The following NPHP1 variants were observed in gnomAD, a reference collection of about 807,000 sequenced individuals.
NPHP1 encodes the protein nephrocystin 1.
NPHP1 carries 70 observed loss-of-function variants against 90.4 expected under a neutral mutation model. That is an observed-to-expected ratio of 0.77 (90% confidence interval 0.64 to 0.95). NPHP1 has a LOEUF of 0.95. NPHP1 is among the 40% of genes least tolerant of loss of function. The pLI, the probability that NPHP1 is intolerant of heterozygous loss-of-function variation, is 0.00. For missense variants in NPHP1, 764 were observed against 795.9 expected (o/e 0.96, Z 0.48); for synonymous variants, 256 against 271.7 (o/e 0.94, Z 0.57).
At chr2:110,124,168 A>G in intron 19 of NPHP1, 105 bp from the exon 20 acceptor site, 12 of 1,313,898 alleles carry the variant, frequency 9.1e-6, no homozygotes, top group Non-Finnish European at 1.3e-5. Flanking sequence ...GGAGGGTGCC[A>G]TTAGTGCCTG....
chr2:110,202,562 T>C, intron 1 of NPHP1: 2 of 352,426 alleles, frequency 5.7e-6, no homozygotes, highest in South Asian at 2.1e-5. Context: ...CCAGAGCCAA[T>C]ATTTCTCCAG....
At chr2:110,169,696 A>T in intron 5 of NPHP1, 110 bp downstream of exon 5, 1 of 760,600 alleles carries the variant, frequency 1.3e-6, no homozygotes, top group Non-Finnish European at 2.3e-6. Flanking sequence ...ATAGATTGTT[A>T]TAAAACTGCA....
chr2:110,142,304 G>A (rs1339624199), intron 16 of NPHP1, among the ~76,000 whole-genome samples: 1 of 151,416 alleles, frequency 6.6e-6, no homozygotes, highest in African/African-American at 2.4e-5. Context: ...ATCATAAGTT[G>A]AAGATAATAT....
intron 18 of NPHP1, chr2:110,126,819 T>C (rs981758870): frequency 6.6e-6 from 1 of 152,660 alleles, no homozygotes; most frequent in Non-Finnish European, 1.5e-5. Context: ...CCTAATAATA[T>C]GGTTTAACGT....
At chr2:110,178,333 C>T in intron 4 of NPHP1, 90 bp downstream of exon 4, 2 of 1,238,712 alleles carry the variant, frequency 1.6e-6, no homozygotes, top group Non-Finnish European at 2.4e-6. Context: ...TTGTTTATAT[C>T]TATACTGCTA....
At chr2:110,146,100 T>C (rs957415640) in intron 14 of NPHP1, among the ~76,000 whole-genome samples, 1 of 152,174 alleles carries the variant, frequency 6.6e-6, no homozygotes, top group Non-Finnish European at 1.5e-5. Context: ...AATTTTATAA[T>C]CCAAATTTGG....
In NPHP1 at chr2:110,181,289, C is replaced by T. The variant is rs563704416; in HGVS notation, c.144-1605G>A. ...CATATGTGCTCTACCAAAAAGCAGC[C>T]AGACTGCTTCTTTAAGTGGGTCTGT... is the stretch of plus-strand genomic sequence containing the variant. On this transcript the variant is annotated intron_variant, in intron 2 of 19. Coordinates refer to ENST00000445609, the MANE Select transcript of NPHP1 (RefSeq NM_001128178.3). Among the ~76,000 whole-genome samples the T allele has an allele frequency of 1.6e-3, 240 of 152,314 alleles. 3 individuals are homozygous for T. The highest frequency in any genetic ancestry group is 2.5e-3 in the Non-Finnish European group (168 of 68,022).
chr2:110,146,150 C>CT (rs1681031344), intron 14 of NPHP1, among the ~76,000 whole-genome samples: 1 of 152,100 alleles, frequency 6.6e-6, no homozygotes, highest in Non-Finnish European at 1.5e-5. Context: ...ATTTGTGTCC[C>CT]TTCTTGAATT....
intron 4 of NPHP1, among the ~76,000 whole-genome samples, chr2:110,176,091 A>G (rs1255915812): frequency 6.6e-6 from 1 of 151,930 alleles, no homozygotes; most frequent in Non-Finnish European, 1.5e-5. Flanking sequence ...CGCTCTATTC[A>G]TCTTATCAAT....
intron 12 of NPHP1, among the ~76,000 whole-genome samples, chr2:110,149,151 T>C (rs1350801854): frequency 6.6e-6 from 1 of 152,168 alleles, no homozygotes; most frequent in Non-Finnish European, 1.5e-5. Context: ...GATGATATTG[T>C]TATTCTTCAT....
At chr2:110,180,343 C>T (rs1683797441) in intron 2 of NPHP1, among the ~76,000 whole-genome samples, 1 of 148,200 alleles carries the variant, frequency 6.7e-6, no homozygotes, top group South Asian at 2.2e-4. Flanking sequence ...ATGAGAAGTA[C>T]AAAAAATGAC....
chr2:110,185,932 T>C (rs967957354), intron 2 of NPHP1, among the ~76,000 whole-genome samples: 7 of 152,186 alleles, frequency 4.6e-5, no homozygotes, highest in African/African-American at 1.7e-4. Flanking sequence ...TCCAGGTCCT[T>C]GCTTTCCATC....
intron 18 of NPHP1, chr2:110,125,982 C>A: frequency 2.4e-6 from 1 of 421,816 alleles, no homozygotes; most frequent in Non-Finnish European, 4.4e-6. Context: ...AACCACAGCA[C>A]CTGAATAATA....
At chr2:110,191,546 A>G (rs1684740801) in intron 2 of NPHP1, among the ~76,000 whole-genome samples, 1 of 152,216 alleles carries the variant, frequency 6.6e-6, no homozygotes, top group African/African-American at 2.4e-5. Context: ...CAGCTCAAGG[A>G]GGCCTGCCTG....
chr2:110,193,124 T>C (rs1453173191), intron 2 of NPHP1, among the ~76,000 whole-genome samples: 1 of 152,096 alleles, frequency 6.6e-6, no homozygotes, highest in South Asian at 2.1e-4. Flanking sequence ...CCAGCTAACA[T>C]CATAATGACA....
intron 16 of NPHP1, among the ~76,000 whole-genome samples, chr2:110,141,972 CAAA>C (rs397934223): frequency 3.2e-5 from 3 of 94,258 alleles, no homozygotes; most frequent in African/African-American, 4.0e-5. Context: ...GACTCTGTCT[CAAA>C]AAAAAAAAAA....
chr2:110,156,967 C>T (rs192004582), intron 11 of NPHP1, among the ~76,000 whole-genome samples: 18 of 151,882 alleles, frequency 1.2e-4, no homozygotes, highest in East Asian at 5.8e-4. Context: ...AGTAGAGACG[C>T]GGTTTCATCA....
chr2:110,191,201 T>C (rs1684706696), intron 2 of NPHP1, among the ~76,000 whole-genome samples: 1 of 152,066 alleles, frequency 6.6e-6, no homozygotes, highest in Non-Finnish European at 1.5e-5. Context: ...GAGCATGAGC[T>C]GAAGCAGGGC....
In NPHP1 at chr2:110,178,416, A is replaced by G. The variant is rs761999549; in HGVS notation, c.329+7T>C. 1.9e-6 allele frequency: 3 copies of G among 1,613,544 alleles called. No homozygotes were observed. The highest frequency in any genetic ancestry group is 1.1e-5 in the South Asian group (1 of 91,056). ...AAAGAAAAAAGAAAGGTAGAAAGGA[A>G]GCATACTCAGTTATATTTTCTCTGC... On this transcript the variant is annotated splice_region_variant and intron_variant, in intron 4 of 19. Coordinates refer to ENST00000445609, the MANE Select transcript of NPHP1 (RefSeq NM_001128178.3).
Sources: allele counts gnomAD v4.1 joint callset (sites outside exome capture counted in the v4.1 genomes callset), GRCh38; gene constraint gnomAD v4.1.1; transcripts MANE v1.5; gene names NCBI Gene and HGNC (gene_info 2026-07-23, HGNC 2026-07-21).